NEBL: variants seen among roughly 807,000 people sequenced by gnomAD.
NEBL encodes LIM and SH3 protein 2.
In NEBL, 122 loss-of-function variants were observed where a neutral mutation model predicts 140.2. The ratio of observed to expected loss-of-function variants is 0.87; its 90% CI spans 0.75 to 1.01. The LOEUF is 1.01. Ranked by LOEUF, NEBL falls within the 50% of genes least tolerant of loss-of-function variation. The pLI is 0.00. For missense variants in NEBL, 1,365 were observed against 1,231.3 expected (o/e 1.11, Z -1.62); for synonymous variants, 436 against 398.9 (o/e 1.09, Z -1.11).
chr10:20,882,375 AAAAG>A (rs1228871212), intron 4 of NEBL, among the ~76,000 whole-genome samples: 2 of 152,036 alleles, frequency 1.3e-5, no homozygotes. Flanking sequence ...AAGTAAAAGA[AAAAG>A]AAAAAGAAAA....
At chr10:21,211,805 T>G (rs1441845430) in intron 3 of NEBL, among the ~76,000 whole-genome samples, 1 of 152,196 alleles carries the variant, frequency 6.6e-6, no homozygotes, top group Non-Finnish European at 1.5e-5. Context: ...CAGCAGTGAT[T>G]GTGATGATGG....
At chr10:21,094,318 C>T (rs867012202) in intron 2 of NEBL, among the ~76,000 whole-genome samples, 50 of 151,884 alleles carry the variant, frequency 3.3e-4, no homozygotes, top group African/African-American at 6.0e-4. Flanking sequence ...CTGGCTAATA[C>T]GGTGAAACCC....
At chr10:21,187,883 G>A (rs1234179414) in intron 3 of NEBL, among the ~76,000 whole-genome samples, 1 of 152,176 alleles carries the variant, frequency 6.6e-6, no homozygotes, top group Non-Finnish European at 1.5e-5. Flanking sequence ...CTGCCTGCCA[G>A]AAGTATGATG....
At chr10:21,073,237 C>A (rs928633013) in intron 2 of NEBL, among the ~76,000 whole-genome samples, 2 of 151,702 alleles carry the variant, frequency 1.3e-5, no homozygotes, top group Admixed American at 1.3e-4. Context: ...GCAGGGGGAT[C>A]GGTTGAGCCC....
In NEBL at chr10:20,849,847, T is replaced by C. The variant is rs74409520; in HGVS notation, c.1116+548A>G. Among the ~76,000 whole-genome samples the C allele has an allele frequency of 2.5e-3, 379 of 152,184 alleles. 12 individuals carry two copies. In the East Asian group the frequency reaches 0.053, roughly 21 times the overall value. On this transcript the variant is annotated intron_variant, in intron 11 of 27. Transcript: ENST00000377122. Reference sequence around the variant, plus strand: ...AACATTTACTGGATACAGAATTTCATCTAAGACAATTTCAGTAGACACATT... The same window carrying C: ...AACATTTACTGGATACAGAATTTCACCTAAGACAATTTCAGTAGACACATT...
intron 13 of NEBL, among the ~76,000 whole-genome samples, chr10:20,837,903 C>A (rs923735981): frequency 4.9e-4 from 75 of 152,142 alleles, no homozygotes; most frequent in African/African-American, 1.8e-3. Context: ...GTATGGTTTA[C>A]TGAATATTTG....
chr10:21,150,189 T>C (rs576960346), intron 2 of NEBL, among the ~76,000 whole-genome samples: 2 of 152,230 alleles, frequency 1.3e-5, no homozygotes, highest in Non-Finnish European at 2.9e-5. Flanking sequence ...AAATAAAATA[T>C]GGACCAAAAA....
intron 2 of NEBL, among the ~76,000 whole-genome samples, chr10:21,027,549 C>G (rs562566993): frequency 6.6e-6 from 1 of 152,014 alleles, no homozygotes; most frequent in Non-Finnish European, 1.5e-5. Flanking sequence ...GGCTGGATCT[C>G]GAACTCCTGG....
At chr10:20,808,741 C>T in intron 25 of NEBL, 82 bp from the exon 26 acceptor site, 5 of 1,433,168 alleles carry the variant, frequency 3.5e-6, no homozygotes, top group Non-Finnish European at 2.9e-6. Flanking sequence ...AAAAGCTTAA[C>T]AGAGAAGAAA....
In NEBL at chr10:20,976,180, C is replaced by CA. The variant is rs546276600; in HGVS notation, c.250-14402dup. Among the ~76,000 whole-genome samples, 3,101 of 143,664 alleles carry CA rather than the reference C, an allele frequency of 0.022. 376 individuals are homozygous for CA. In the East Asian group the frequency reaches 0.36, roughly 17 times the overall value. 94.2% of individuals were successfully genotyped at this position (143,664 alleles called of 152,430 possible). A position where few individuals can be genotyped will look rare whatever the true frequency, so the allele number is the denominator to read the frequency against. ...TGAAACCCCATCTCTACTAAAAATA[C>CA]AAAAAAAAAAATTAGCTGAGCATGG... On this transcript the variant is annotated intron_variant, in intron 3 of 6. Transcript: ENST00000417816.
intron 4 of NEBL, among the ~76,000 whole-genome samples, chr10:20,938,685 C>CA (rs1339203954): frequency 3.3e-5 from 5 of 152,024 alleles, no homozygotes; most frequent in Admixed American, 6.6e-5. Flanking sequence ...AAGTTAAAAA[C>CA]TTGAAAAAAA....
At chr10:20,808,755 C>A in intron 25 of NEBL, 96 bp from the exon 26 acceptor site, 1 of 1,315,218 alleles carries the variant, frequency 7.6e-7, no homozygotes, top group Non-Finnish European at 1.1e-6. Flanking sequence ...GAAGAAAAAC[C>A]ATCTCTTAGT....
In NEBL at chr10:20,886,089, G is replaced by A. The variant is rs548978095; in HGVS notation, c.369+2008C>T. 2.2e-3 allele frequency among the ~76,000 whole-genome samples: 331 copies of A among 152,130 alleles called. 1 individual carries two copies. Among genetic ancestry groups the A allele is most frequent in the African/African-American group, 7.8e-3 (325 of 41,490 alleles). ...ATGCTGGGCTTAATACCTAGGGGACGGGTTCATATTAAATAGGTGCAGCAA... is the reference window on the plus strand; with the variant it reads ...ATGCTGGGCTTAATACCTAGGGGACAGGTTCATATTAAATAGGTGCAGCAA... On this transcript the variant is annotated intron_variant, in intron 4 of 27. Transcript: ENST00000377122.
At chr10:21,185,145 G>C (rs983501949) in intron 3 of NEBL, among the ~76,000 whole-genome samples, 1 of 152,172 alleles carries the variant, frequency 6.6e-6, no homozygotes, top group Non-Finnish European at 1.5e-5. Context: ...CCAAGAGAAA[G>C]TAATGACCAG....
chr10:20,936,789 C>G (rs1326003284), intron 4 of NEBL, among the ~76,000 whole-genome samples: 1 of 152,184 alleles, frequency 6.6e-6, no homozygotes, highest in Non-Finnish European at 1.5e-5. Context: ...TTGCAAATGA[C>G]CTGGTAATCC....
chr10:20,884,380 T>C (rs1260806759), intron 4 of NEBL, among the ~76,000 whole-genome samples: 2 of 152,284 alleles, frequency 1.3e-5, no homozygotes, highest in Non-Finnish European at 2.9e-5. Flanking sequence ...TCTGGCCAAA[T>C]GTGGCATTGA....
chr10:21,290,370 A>C (rs760410789), intron 1 of NEBL, among the ~76,000 whole-genome samples: 18 of 152,286 alleles, frequency 1.2e-4, no homozygotes, highest in Non-Finnish European at 5.9e-5. Context: ...AGAATCAATA[A>C]ATTTTCTAAC....
chr10:20,955,495 A>C (rs1454998994), intron 4 of NEBL, among the ~76,000 whole-genome samples: 1 of 152,222 alleles, frequency 6.6e-6, no homozygotes, highest in East Asian at 1.9e-4. Context: ...AGCCCAGAAC[A>C]GAGTAAGTAG....
intron 13 of NEBL, among the ~76,000 whole-genome samples, chr10:20,835,940 A>C (rs1840846315): frequency 6.6e-6 from 1 of 152,212 alleles, no homozygotes; most frequent in South Asian, 2.1e-4. Flanking sequence ...TGTTGTACAA[A>C]ACAGATGAAC....
Sources: allele counts gnomAD v4.1 joint callset (sites outside exome capture counted in the v4.1 genomes callset), GRCh38; gene constraint gnomAD v4.1.1; transcripts MANE v1.5; gene names NCBI Gene and HGNC (gene_info 2026-07-23, HGNC 2026-07-21).